The following MACROD2 variants were observed in gnomAD, a reference collection of about 807,000 sequenced individuals.
MACROD2 encodes ADP-ribose glycohydrolase MACROD2.
Under a neutral mutation model 70.4 loss-of-function variants are expected in MACROD2, and 36 were observed. That is an observed-to-expected ratio of 0.51 (90% CI 0.39 to 0.68). The LOEUF is 0.68. Ranked by LOEUF, MACROD2 falls within the 30% of genes least tolerant of loss-of-function variation. The probability of loss-of-function intolerance (pLI) is 0.00; values close to 1 mark genes in which losing one functional copy is unlikely to be tolerated. For synonymous variants in MACROD2, 172 were observed against 178.8 expected (o/e 0.96, Z 0.30); for missense variants, 496 against 538.4 (o/e 0.92, Z 0.78).
chr20:14,534,526 T>C (rs2085341912), intron 4 of MACROD2, among the ~76,000 whole-genome samples: 1 of 152,198 alleles, frequency 6.6e-6, no homozygotes. Flanking sequence ...GATCAATGAA[T>C]AATCTCGTTG....
At position 15,590,620 on chromosome 20, in the gene MACROD2, C is replaced by T. The variant is rs552608447; in HGVS notation, c.645+90773C>T. The stretch of plus-strand genomic sequence containing the variant: ...ATTCGTGGCCAGGCACGGTGGCTCA[C>T]GCCTGTAATCCCAGCACTTTGGGAG... On this transcript the variant is annotated intron_variant, in intron 8 of 17. Transcript: ENST00000684519. Among the ~76,000 whole-genome samples, 25 of 152,250 alleles carry T rather than the reference C, an allele frequency of 1.6e-4. No individual in the cohort carries two copies. In the South Asian group the frequency reaches 3.5e-3, roughly 21 times the overall value.
At chr20:14,800,204 G>A (rs938361873) in intron 5 of MACROD2, among the ~76,000 whole-genome samples, 1 of 151,766 alleles carries the variant, frequency 6.6e-6, no homozygotes, top group Non-Finnish European at 1.5e-5. Flanking sequence ...ACAAGAAGGC[G>A]AGAAAATTTC....
intron 10 of MACROD2, among the ~76,000 whole-genome samples, chr20:15,920,102 A>G (rs538872964): frequency 6.6e-6 from 1 of 152,364 alleles, no homozygotes; most frequent in African/African-American, 2.4e-5. Context: ...CCCTAAATTG[A>G]AAATGACAGC....
At chr20:14,008,433 T>A (rs1426649232) in intron 2 of MACROD2, among the ~76,000 whole-genome samples, 1 of 152,128 alleles carries the variant, frequency 6.6e-6, no homozygotes, top group Non-Finnish European at 1.5e-5. Flanking sequence ...AAGGATCTCT[T>A]CAAGGAGACC....
At chr20:15,382,711 G>A (rs184836946) in intron 6 of MACROD2, among the ~76,000 whole-genome samples, 7 of 152,246 alleles carry the variant, frequency 4.6e-5, no homozygotes, top group Admixed American at 2.6e-4. Flanking sequence ...TCTGAAGAAA[G>A]AACCACTTTC....
intron 3 of MACROD2, chr20:14,325,534 AG>A: frequency 6.3e-7 from 1 of 1,584,988 alleles, no homozygotes; most frequent in Non-Finnish European, 8.6e-7. Flanking sequence ...CCAAAACACA[AG>A]TCTGCTGTGA....
rs2085090651 is a variant in MACROD2 at position 14,515,770 on chromosome 20, A to G, written c.301+22262A>G. On this transcript the variant is annotated intron_variant, in intron 4 of 17. Transcript: ENST00000684519. Reference sequence around the variant, plus strand: ...AAATTCCATTTAGACTGGAGGAATAAGTTTTAGTGATCTATTTCACTGCAT... The same window carrying G: ...AAATTCCATTTAGACTGGAGGAATAGGTTTTAGTGATCTATTTCACTGCAT... Among the ~76,000 whole-genome samples, 5 of 152,026 alleles carry G rather than the reference A, an allele frequency of 3.3e-5. No homozygotes were observed. In the South Asian group the frequency reaches 1.0e-3, roughly 32 times the overall value.
chr20:15,991,939 A>T (rs1418175032), intron 15 of MACROD2, among the ~76,000 whole-genome samples: 1 of 152,220 alleles, frequency 6.6e-6, no homozygotes, highest in Non-Finnish European at 1.5e-5. Context: ...ATAAAGTTTT[A>T]AGCTAAATTG....
intron 3 of MACROD2, among the ~76,000 whole-genome samples, chr20:14,104,514 G>A (rs1775690992): frequency 1.3e-5 from 2 of 152,180 alleles, no homozygotes; most frequent in South Asian, 4.1e-4. Context: ...TTTCAGCATA[G>A]TACCTACCAT....
intron 3 of MACROD2, among the ~76,000 whole-genome samples, chr20:14,423,430 T>C (rs374070713): frequency 1.3e-5 from 2 of 151,640 alleles, no homozygotes; most frequent in East Asian, 3.9e-4. Context: ...CCTGGAGCGG[T>C]GGCTCACGCC....
chr20:15,664,205 C>T (rs1318828127), intron 8 of MACROD2, among the ~76,000 whole-genome samples: 1 of 152,076 alleles, frequency 6.6e-6, no homozygotes. Context: ...AAGATTCAGA[C>T]AAGTCTCACT....
At chr20:15,775,586 C>T (rs1332492720) in intron 8 of MACROD2, among the ~76,000 whole-genome samples, 7 of 151,994 alleles carry the variant, frequency 4.6e-5, no homozygotes, top group East Asian at 3.9e-4. Flanking sequence ...ATGATCTGTT[C>T]GGTCAGGTGG....
intron 17 of MACROD2, among the ~76,000 whole-genome samples, chr20:16,049,264 T>G (rs1452366843): frequency 6.6e-6 from 1 of 152,072 alleles, no homozygotes; most frequent in Non-Finnish European, 1.5e-5. Context: ...ATGCTTAAGA[T>G]CTGTGTGTTT....
At chr20:14,370,282 G>A (rs1457376491) in intron 3 of MACROD2, among the ~76,000 whole-genome samples, 2 of 152,020 alleles carry the variant, frequency 1.3e-5, no homozygotes, top group Non-Finnish European at 2.9e-5. Context: ...AAAAAAGCAT[G>A]TTCTCATTAA....
At chr20:14,274,704 A>G (rs1283733935) in intron 3 of MACROD2, among the ~76,000 whole-genome samples, 1 of 152,124 alleles carries the variant, frequency 6.6e-6, no homozygotes. Flanking sequence ...AGGAAGTCAA[A>G]TTGTCCCTGT....
chr20:14,853,445 A>G (rs1038761683), intron 5 of MACROD2, among the ~76,000 whole-genome samples: 16 of 151,882 alleles, frequency 1.1e-4, no homozygotes, highest in African/African-American at 3.6e-4. Context: ...TAAGATGTTC[A>G]TAGATGTTTT....
chr20:15,362,553 T>C (rs1383164020), intron 6 of MACROD2, among the ~76,000 whole-genome samples: 1 of 152,196 alleles, frequency 6.6e-6, no homozygotes, highest in Non-Finnish European at 1.5e-5. Context: ...ATACAATTTT[T>C]TTTTCTTTAG....
chr20:14,661,767 A>G (rs954613381), intron 4 of MACROD2, among the ~76,000 whole-genome samples: 2 of 151,314 alleles, frequency 1.3e-5, no homozygotes, highest in Admixed American at 1.3e-4. Flanking sequence ...TAATAAATGT[A>G]TGAATTTGAG....
chr20:14,723,796 T>G (rs2071497045), intron 5 of MACROD2, among the ~76,000 whole-genome samples: 1 of 152,022 alleles, frequency 6.6e-6, no homozygotes, highest in Non-Finnish European at 1.5e-5. Flanking sequence ...GATTTCAGAT[T>G]GCATACGTAT....
Sources: gnomAD v4.1 joint callset for allele counts (sites outside exome capture counted in the v4.1 genomes callset) on GRCh38, gnomAD v4.1.1 for gene constraint, MANE v1.5 for transcripts, NCBI Gene and HGNC (gene_info 2026-07-23, HGNC 2026-07-21) for gene names.